Variants in ZDHHC5 observed in about 807,000 individuals in gnomAD.
ZDHHC5 encodes the protein zDHHC palmitoyltransferase 5, also known as palmitoyltransferase ZDHHC5.
Under a neutral mutation model 70.0 loss-of-function variants are expected in ZDHHC5, and 22 were observed. The observed-to-expected ratio is 0.31, with a 90% confidence interval of 0.22 to 0.45. The LOEUF (loss-of-function observed/expected upper bound fraction) is 0.45. Among genes scored for constraint, ZDHHC5 ranks in the 20% least tolerant of loss-of-function variants. ZDHHC5 has a pLI of 1.00. For synonymous variants in ZDHHC5, 313 were observed against 347.8 expected (o/e 0.90, Z 1.11); for missense variants, 746 against 926.9 (o/e 0.80, Z 2.53).
intron 4 of ZDHHC5, among the ~76,000 whole-genome samples, chr11:57,688,977 C>T (rs1320136440): frequency 1.3e-5 from 2 of 152,188 alleles, no homozygotes; most frequent in Non-Finnish European, 2.9e-5. Context: ...GATCCTCATG[C>T]CCTGGCCTCC....
chr11:57,698,951 G>A lies in ZDHHC5; in HGVS notation c.1515G>A (p.Arg505=). The A allele has an allele frequency of 6.2e-7, 1 of 1,613,544 alleles. No homozygotes were observed. Among genetic ancestry groups the A allele is most frequent in the South Asian group, 1.1e-5 (1 of 91,068 alleles). ...ATACCTCTCCCTTCCTGTCAGCCAG[G>A]CTGGCCCAGCAACGGGAAGCTGAGA... The part of the protein sequence containing the change: ...LGYTSPFLSA[R]LAQQREAERH... The change falls in exon 11 of 12, where the codon AGG becomes AGA. Residue 505 remains arginine (R), a synonymous_variant. Transcript: ENST00000287169.
At position 57,698,724 on chromosome 11, in the gene ZDHHC5, C is replaced by CTTG; in HGVS notation, c.1289_1290insTGT (p.Leu430_Lys431insVal). 6.2e-7 allele frequency: 1 copy of CTTG among 1,614,238 alleles called. No individual in the cohort carries two copies. ...ATCCAGTGGCTCACGCTCCTCCAGC[C>CTTG]TCAAGTCAGCCCAGGGCACAGGCTT... On this transcript the variant is annotated inframe_insertion, in exon 11 of 12. Transcript: ENST00000287169.
Position 57,690,414 on chromosome 11 carries a change from A to G in ZDHHC5, c.637A>G (p.Arg213Gly). 1 of 1,614,186 alleles carries G rather than the reference A, an allele frequency of 6.2e-7. No homozygotes were observed. Among genetic ancestry groups the G allele is most frequent in the Non-Finnish European group, 8.5e-7 (1 of 1,180,038 alleles). Residue 213 changes from arginine (R) to glycine (G), a missense_variant, in exon 6 of 12, where the codon AGG (arginine) becomes GGG (glycine). Physicochemically the swap from Arg to Gly is moderately radical, Grantham distance 125. Transcript: ENST00000287169. Reference sequence around the variant, plus strand: ...GGGATTTCACGTGGTTCTGGTGGCCAGGGGACGCACAACCAATGAACAGGT... The same window carrying G: ...GGGATTTCACGTGGTTCTGGTGGCCGGGGGACGCACAACCAATGAACAGGT... ...LTGFHVVLVA[R>G]GRTTNEQVTG...
chr11:57,692,513 C>A, intron 6 of ZDHHC5, 98 bp from the exon 7 acceptor site: 1 of 987,426 alleles, frequency 1.0e-6, no homozygotes, highest in Non-Finnish European at 1.6e-6. Context: ...GCATAGCCCT[C>A]AGATAGTGAG....
Position 57,700,263 on chromosome 11 carries a change from C to T in ZDHHC5, c.*232C>T, listed in dbSNP as rs1946424619. 4.7e-6 allele frequency: 2 copies of T among 423,236 alleles called. No individual in the cohort carries two copies. Among genetic ancestry groups the T allele is most frequent in the Non-Finnish European group, 4.1e-6 (1 of 243,718 alleles). 26.2% of individuals were successfully genotyped at this position (423,236 alleles called of 1,614,324 possible). A position where few individuals can be genotyped will look rare whatever the true frequency, so the allele number is the denominator to read the frequency against. ...TTTTATCTTTTAAGACCTTCCCTTC[C>T]TTGATCCCTGGACCAGACTCAGTGG... On this transcript the variant is annotated 3_prime_UTR_variant, in exon 12 of 12. Coordinates refer to ENST00000287169, the MANE Select transcript of ZDHHC5 (RefSeq NM_015457.3).
In ZDHHC5 at chr11:57,698,803, A is replaced by G. The variant is rs747822054; in HGVS notation, c.1367A>G (p.Tyr456Cys). 11 of 1,614,080 alleles carry G rather than the reference A, an allele frequency of 6.8e-6. No homozygotes were observed. Among genetic ancestry groups the G allele is most frequent in the South Asian group, 4.4e-5 (4 of 91,094 alleles). ...TCAGAGGGCACCACCTCCACCTCCT[A>G]TAAGAGCCTGGCCAACCAGACACGC... The part of the protein sequence containing the change: ...IRSEGTTSTS[Y>C]KSLANQTRNG... The change falls in exon 11 of 12, where the codon TAT becomes TGT. Residue 456 changes from tyrosine to cysteine, a missense_variant. Around this residue, in one of 6 missense-constraint regions of ZDHHC5, gnomAD observed 340 missense variants for 350.1 expected, o/e 0.97. Coordinates refer to ENST00000287169, the MANE Select transcript of ZDHHC5 (RefSeq NM_015457.3).
At chr11:57,697,196 C>CAGG (rs1255629766) in intron 10 of ZDHHC5, among the ~76,000 whole-genome samples, 1 of 152,110 alleles carries the variant, frequency 6.6e-6, no homozygotes, top group African/African-American at 2.4e-5. Context: ...GGCACAGTGG[C>CAGG]TCACGCCTGT....
intron 10 of ZDHHC5, 80 bp from the exon 11 acceptor site, chr11:57,698,479 T>C (rs1158772228): frequency 1.3e-6 from 2 of 1,512,292 alleles, no homozygotes; most frequent in East Asian, 2.3e-5. Flanking sequence ...TAATTCTCTT[T>C]TTGACCAACT....
chr11:57,692,750 ATCT>A lies in ZDHHC5; in HGVS notation c.752+53_752+55del, dbSNP rs768715454. On this transcript the variant is annotated intron_variant, in intron 7 of 11. Coordinates refer to ENST00000287169, the MANE Select transcript of ZDHHC5 (RefSeq NM_015457.3). The stretch of plus-strand genomic sequence containing the variant: ...GTGTTTACCATTGGTCAGAACTTTT[ATCT>A]TCTTTGGGCTTGTTCTGGTAAAGGA... 3 of 1,600,166 alleles carry A rather than the reference ATCT, an allele frequency of 1.9e-6. No individual in the cohort carries two copies. In the South Asian group the frequency reaches 3.3e-5, roughly 18 times the overall value.
In ZDHHC5 at chr11:57,696,810, G is replaced by A. The variant is rs1405777031; in HGVS notation, c.1059G>A (p.Lys353=). The change falls in exon 10 of 12, where the codon AAG becomes AAA. Residue 353 remains lysine, a synonymous_variant. Transcript: ENST00000287169. ...GCCCCCCGACACCTACCATGTACAAGTATCGGCCGGGTTACAGTAGCAGCA... is the reference window on the plus strand; with the variant it reads ...GCCCCCCGACACCTACCATGTACAAATATCGGCCGGGTTACAGTAGCAGCA... ...KDSPPTPTMY[K]YRPGYSSSST... 15 of 1,614,100 alleles carry A rather than the reference G, an allele frequency of 9.3e-6. No individual in the cohort carries two copies. The highest frequency in any genetic ancestry group is 1.3e-5 in the Non-Finnish European group (15 of 1,179,950).
rs775221417 is a variant in ZDHHC5 at position 57,673,105 on chromosome 11, T to C, written c.15T>C (p.Ser5=). ...AGAGCTCCAACATGCCCGCAGAGTC[T>C]GGAAAGAGATTCAAACCCAGCAAGT... is the stretch of plus-strand genomic sequence containing the variant. The part of the protein sequence containing the change: MPAE[S]GKRFKPSKYV... The change falls in exon 2 of 12, where the codon TCT becomes TCC. Residue 5 remains serine, a synonymous_variant. Coordinates refer to ENST00000287169, the MANE Select transcript of ZDHHC5 (RefSeq NM_015457.3). 1.9e-6 allele frequency: 3 copies of C among 1,613,994 alleles called. No homozygotes were observed. Among genetic ancestry groups the C allele is most frequent in the Admixed American group, 3.3e-5 (2 of 60,020 alleles).
At chr11:57,674,604 C>T (rs750075404) in intron 2 of ZDHHC5, among the ~76,000 whole-genome samples, 23 of 152,026 alleles carry the variant, frequency 1.5e-4, no homozygotes, top group Admixed American at 3.3e-4. Context: ...CACTTGGGCT[C>T]ATTGAAGTAG....
intron 1 of ZDHHC5, among the ~76,000 whole-genome samples, chr11:57,671,625 T>C (rs1255802286): frequency 6.6e-6 from 1 of 152,254 alleles, no homozygotes; most frequent in Non-Finnish European, 1.5e-5. Flanking sequence ...TTTTTTCTTT[T>C]TTCACTATAA....
Position 57,698,995 on chromosome 11 carries a change from C to T in ZDHHC5, c.1559C>T (p.Pro520Leu), listed in dbSNP as rs1946397366. 6.2e-7 allele frequency: 1 copy of T among 1,609,782 alleles called. No homozygotes were observed. The highest frequency in any genetic ancestry group is 8.5e-7 in the Non-Finnish European group (1 of 1,179,948). Residue 520 changes from proline (P) to leucine (L), a missense_variant, in exon 11 of 12, where the codon CCA becomes CTA. Coordinates refer to ENST00000287169, the MANE Select transcript of ZDHHC5 (RefSeq NM_015457.3). Reference protein sequence around the residue: ...REAERHPRLVPTGPTHREPSP... With the variant: ...REAERHPRLVLTGPTHREPSP... ...GCTGAGAGGCACCCACGTTTGGTGC[C>T]AACTGGCCCAACACACCGAGAGCCC...
intron 3 of ZDHHC5, among the ~76,000 whole-genome samples, chr11:57,686,365 G>T (rs1283744126): frequency 7.9e-5 from 12 of 152,098 alleles, no homozygotes; most frequent in Non-Finnish European, 1.8e-4. Flanking sequence ...GCCCAGGCTG[G>T]AGTGCAGTGG....
chr11:57,694,116 C>G (rs903177343), intron 8 of ZDHHC5, among the ~76,000 whole-genome samples: 1 of 150,620 alleles, frequency 6.6e-6, no homozygotes, highest in Admixed American at 6.6e-5. Flanking sequence ...CTCAGCCTCC[C>G]GAGTAGCTGG....
intron 3 of ZDHHC5, among the ~76,000 whole-genome samples, chr11:57,685,702 AGAAAG>A (rs1946200108): frequency 6.6e-6 from 1 of 152,160 alleles, no homozygotes; most frequent in African/African-American, 2.4e-5. Flanking sequence ...AGCTCAGACT[AGAAAG>A]GAAGATAGGA....
chr11:57,682,219 G>A (rs1409711019), intron 2 of ZDHHC5, among the ~76,000 whole-genome samples: 3 of 152,340 alleles, frequency 2.0e-5, no homozygotes, highest in South Asian at 4.1e-4. Context: ...TCTGAGTCTT[G>A]TACTTTTATC....
intron 6 of ZDHHC5, among the ~76,000 whole-genome samples, chr11:57,691,582 GA>G (rs1946285507): frequency 6.6e-6 from 1 of 152,086 alleles, no homozygotes; most frequent in Non-Finnish European, 1.5e-5. Context: ...TATCAATTGA[GA>G]GACCCAAACC....
Sources: allele counts gnomAD v4.1 joint callset (sites outside exome capture counted in the v4.1 genomes callset), GRCh38; gene constraint gnomAD v4.1.1; regional missense constraint gnomAD v4.1.1; transcripts MANE v1.5; gene names NCBI Gene and HGNC (gene_info 2026-07-23, HGNC 2026-07-21).